Variants in CATSPERT observed in about 807,000 individuals in gnomAD.
CATSPERT encodes catsper channel auxiliary subunit tau.
chr2:201,511,688 G>A, the CATSPERT span: 2 of 151,094 alleles, frequency 1.3e-5, no homozygotes, highest in African/African-American at 4.9e-5. Context: ...ATTTATGAAC[G>A]GGCTCTAAAA....
At chr2:201,569,255 T>A in the CATSPERT span, among the ~76,000 whole-genome samples, 1 of 152,136 alleles carries the variant, frequency 6.6e-6, no homozygotes, top group African/African-American at 2.4e-5. Context: ...GGGAATTGAT[T>A]GAGAGGCCAT....
the CATSPERT span, among the ~76,000 whole-genome samples, chr2:201,598,286 G>A: frequency 6.6e-6 from 1 of 152,020 alleles, no homozygotes; most frequent in Non-Finnish European, 1.5e-5. Context: ...TATTTATTTT[G>A]TAGAGATGGG....
chr2:201,600,128 C>T, the CATSPERT span, among the ~76,000 whole-genome samples: 2 of 151,934 alleles, frequency 1.3e-5, no homozygotes, highest in Non-Finnish European at 2.9e-5. Flanking sequence ...TATAAAGACA[C>T]ATACACACGT....
chr2:201,542,172 C>CA, the CATSPERT span, among the ~76,000 whole-genome samples: 92,767 of 151,282 alleles, frequency 0.61, 30,383 homozygotes, highest in East Asian at 0.95. Context: ...CCCTAGGAAA[C>CA]AAAAAAAAAT....
At chr2:201,547,661 C>T in the CATSPERT span, 1 of 920,132 alleles carries the variant, frequency 1.1e-6, no homozygotes, top group Non-Finnish European at 1.6e-6. Context: ...TAGAAGAATA[C>T]ATATGGTATG....
chr2:201,503,064 C>A, the CATSPERT span, among the ~76,000 whole-genome samples: 1 of 151,918 alleles, frequency 6.6e-6, no homozygotes, highest in African/African-American at 2.4e-5. Flanking sequence ...ATTATACCCT[C>A]TATTTTTTTC....
At chr2:201,581,546 G>GTATATATATA in the CATSPERT span, among the ~76,000 whole-genome samples, 1 of 14,724 alleles carries the variant, frequency 6.8e-5, no homozygotes, top group African/African-American at 2.7e-4. Context: ...AAAAAAATGT[G>GTATATATATA]TGTATATATA....
the CATSPERT span, among the ~76,000 whole-genome samples, chr2:201,597,809 T>A: frequency 6.6e-6 from 1 of 152,266 alleles, no homozygotes; most frequent in South Asian, 2.1e-4. Context: ...CATTCTTCAG[T>A]CTGAGTTTTT....
the CATSPERT span, chr2:201,493,397 T>G: frequency 6.5e-7 from 1 of 1,537,062 alleles, no homozygotes; most frequent in Non-Finnish European, 8.7e-7. Flanking sequence ...TCTGTCTCGC[T>G]TCTGATTTCT....
At chr2:201,595,724 G>A in the CATSPERT span, among the ~76,000 whole-genome samples, 3 of 152,120 alleles carry the variant, frequency 2.0e-5, no homozygotes, top group East Asian at 1.9e-4. Context: ...AGTCTGCAGA[G>A]GTTACTGCTG....
At chr2:201,542,502 T>G in the CATSPERT span, among the ~76,000 whole-genome samples, 3 of 152,224 alleles carry the variant, frequency 2.0e-5, no homozygotes, top group African/African-American at 7.2e-5. Context: ...GTACTAGGGT[T>G]CAAATTTCTT....
chr2:201,515,556 G>T, the CATSPERT span, among the ~76,000 whole-genome samples: 35 of 152,082 alleles, frequency 2.3e-4, no homozygotes, highest in African/African-American at 8.5e-4. Context: ...CACTGAAATT[G>T]AGGATTTTGA....
chr2:201,544,946 G>A, the CATSPERT span, among the ~76,000 whole-genome samples: 9 of 151,968 alleles, frequency 5.9e-5, no homozygotes, highest in Non-Finnish European at 1.3e-4. Flanking sequence ...GCAGTGAGCT[G>A]TGGTTGTGCA....
At chr2:201,522,608 A>G in the CATSPERT span, among the ~76,000 whole-genome samples, 4 of 152,192 alleles carry the variant, frequency 2.6e-5, no homozygotes, top group African/African-American at 7.2e-5. Context: ...CACTCTCAAC[A>G]TGGATCTCCA....
At chr2:201,528,680 G>A in the CATSPERT span, among the ~76,000 whole-genome samples, 1 of 152,162 alleles carries the variant, frequency 6.6e-6, no homozygotes, top group African/African-American at 2.4e-5. Context: ...AATACTACAT[G>A]TTCTCACTTA....
At chr2:201,590,766 T>C in the CATSPERT span, among the ~76,000 whole-genome samples, 1 of 152,186 alleles carries the variant, frequency 6.6e-6, no homozygotes, top group African/African-American at 2.4e-5. Context: ...AAGTGTTTTT[T>C]GGCTGCATAA....
the CATSPERT span, among the ~76,000 whole-genome samples, chr2:201,592,476 C>T: frequency 6.6e-6 from 1 of 150,702 alleles, no homozygotes; most frequent in Non-Finnish European, 1.5e-5. Flanking sequence ...CCTTTGGTAT[C>T]AGGATGATGC....
At chr2:201,503,683 C>T in the CATSPERT span, among the ~76,000 whole-genome samples, 1 of 152,186 alleles carries the variant, frequency 6.6e-6, no homozygotes, top group Non-Finnish European at 1.5e-5. Context: ...CAGGTGTGAG[C>T]CACTGTGCCT....
the CATSPERT span, among the ~76,000 whole-genome samples, chr2:201,506,261 C>T: frequency 3.2e-5 from 4 of 124,314 alleles, no homozygotes; most frequent in Admixed American, 8.4e-5. Flanking sequence ...AGCGAGACTC[C>T]GTCTCAAAAA....
Sources: allele counts gnomAD v4.1 joint callset (sites outside exome capture counted in the v4.1 genomes callset), GRCh38; gene constraint gnomAD v4.1.1; transcripts MANE v1.5; gene names NCBI Gene and HGNC (gene_info 2026-07-23, HGNC 2026-07-21).